The following ZNF317 variants were observed in gnomAD, a reference collection of about 807,000 sequenced individuals.
ZNF317 encodes zinc finger protein 317.
ZNF317 carries 17 observed loss-of-function variants against 23.4 expected under a neutral mutation model. The observed-to-expected ratio is 0.73, with a 90% CI of 0.50 to 1.09. The LOEUF is 1.09. ZNF317 is among the 50% of genes least tolerant of loss of function. ZNF317 has a pLI of 0.00. For synonymous variants in ZNF317, 317 were observed against 314.9 expected (o/e 1.01, Z -0.07); for missense variants, 679 against 796.7 (o/e 0.85, Z 1.78).
At chr19:9,141,096 A>G (rs866984611) in intron 1 of ZNF317, among the ~76,000 whole-genome samples, 30 of 152,120 alleles carry the variant, frequency 2.0e-4, no homozygotes, top group African/African-American at 7.0e-4. Context: ...TAAATAGCCT[A>G]TATGTATATT....
At chr19:9,156,165 G>T (rs911402300) in intron 2 of ZNF317, 124 bp downstream of exon 2, 6 of 1,299,234 alleles carry the variant, frequency 4.6e-6, no homozygotes, top group Non-Finnish European at 6.6e-6. Context: ...TGGAAAAGGG[G>T]TGGGAACAGA....
chr19:9,159,230 G>T (rs913461240), intron 6 of ZNF317, among the ~76,000 whole-genome samples: 2 of 151,984 alleles, frequency 1.3e-5, no homozygotes, highest in Non-Finnish European at 2.9e-5. Flanking sequence ...TATTTTTTGG[G>T]GGGCAGACAG....
chr19:9,159,893 T>TG (rs1418080557), intron 6 of ZNF317, among the ~76,000 whole-genome samples: 1 of 152,184 alleles, frequency 6.6e-6, no homozygotes, highest in Non-Finnish European at 1.5e-5. Context: ...CAAAAAGCTT[T>TG]GAAAAAGTAA....
chr19:9,160,329 A>G lies in ZNF317; in HGVS notation c.684A>G (p.Gln228=), dbSNP rs775953458. 1.2e-6 allele frequency: 2 copies of G among 1,614,200 alleles called. No individual in the cohort carries two copies. The highest frequency in any genetic ancestry group is 1.7e-6 in the Non-Finnish European group (2 of 1,180,038). The part of the protein sequence containing the change: ...GRKMHECHQC[Q]KAFTTSASLT... ...AAATGCATGAATGTCATCAGTGCCA[A>G]AAAGCCTTCACCACGAGCGCGTCCC... is the stretch of plus-strand genomic sequence containing the variant. Residue 228 remains glutamine (Q), a synonymous_variant, in exon 7 of 7, where the codon CAA becomes CAG. Coordinates refer to ENST00000247956, the MANE Select transcript of ZNF317 (RefSeq NM_020933.5). This position sits in a 1 kb window ranked among gnomAD's most constrained non-coding sequence, Gnocchi z 6.8.
intron 6 of ZNF317, among the ~76,000 whole-genome samples, chr19:9,159,609 C>T (rs545729651): frequency 2.0e-4 from 30 of 151,428 alleles, no homozygotes; most frequent in Non-Finnish European, 3.8e-4. Context: ...TGCAATGGCA[C>T]GATCTCAGCT....
chr19:9,162,412 T>C lies in ZNF317; in HGVS notation c.*979T>C, dbSNP rs933248989. 1 of 152,150 alleles carries C rather than the reference T, an allele frequency of 6.6e-6. No homozygotes were observed. The highest frequency in any genetic ancestry group is 1.5e-5 in the Non-Finnish European group (1 of 68,030). The allele number at this position is 152,150 out of a possible 1,614,324, so 9.4% of individuals were successfully genotyped here. ...CTAGGAGAAATTTCTTTTACAAAAC[T>C]TTTAAAATACAATTAGTGCTGATAA... On this transcript the variant is annotated 3_prime_UTR_variant, in exon 7 of 7. Coordinates refer to ENST00000247956, the MANE Select transcript of ZNF317 (RefSeq NM_020933.5).
intron 4 of ZNF317, 25 bp downstream of exon 4, chr19:9,157,419 T>G: frequency 6.2e-7 from 1 of 1,613,392 alleles, no homozygotes; most frequent in Non-Finnish European, 8.5e-7. Context: ...ATTTCTCCAC[T>G]TATTCATCCA....
intron 5 of ZNF317, among the ~76,000 whole-genome samples, chr19:9,158,597 C>A (rs1402188112): frequency 6.6e-6 from 1 of 151,904 alleles, no homozygotes; most frequent in Non-Finnish European, 1.5e-5. Context: ...CCTCGGCCTC[C>A]CAGAGTGCTG....
chr19:9,154,083 G>T (rs1028757728), intron 1 of ZNF317, among the ~76,000 whole-genome samples: 1 of 152,138 alleles, frequency 6.6e-6, no homozygotes, highest in Admixed American at 6.6e-5. Context: ...ACGGGGATGG[G>T]CCTGGAGCAG....
Position 9,156,719 on chromosome 19 carries a change from G to A in ZNF317, c.133G>A (p.Glu45Lys). 1 of 1,614,136 alleles carries A rather than the reference G, an allele frequency of 6.2e-7. No homozygotes were observed. The highest frequency in any genetic ancestry group is 8.5e-7 in the Non-Finnish European group (1 of 1,180,028). Residue 45 changes from glutamate to lysine, a missense_variant, in exon 3 of 7, where the codon GAG becomes AAG. Physicochemically the swap from Glu to Lys is moderately conservative, Grantham distance 56. Coordinates refer to ENST00000247956, the MANE Select transcript of ZNF317 (RefSeq NM_020933.5). ...GGACCTGTTCGTGTGCAGTGGTCTGGAGCCTCACACACCCAGTGTTGGTTC... is the reference window on the plus strand; with the variant it reads ...GGACCTGTTCGTGTGCAGTGGTCTGAAGCCTCACACACCCAGTGTTGGTTC... ...NLDLFVCSGL[E>K]PHTPSVGSQE...
At position 9,160,990 on chromosome 19, in the gene ZNF317, G is replaced by C; in HGVS notation, c.1345G>C (p.Asp449His). Reference protein sequence around the residue: ...SHTGEKPYGCDLCGKAFSASS... With the variant: ...SHTGEKPYGCHLCGKAFSASS... ...CACTGGAGAGAAACCATACGGGTGC[G>C]ATCTCTGCGGGAAAGCTTTCAGCGC... is the stretch of plus-strand genomic sequence containing the variant. The change falls in exon 7 of 7, where the codon GAT becomes CAT. Residue 449 changes from aspartate to histidine, a missense_variant. Transcript: ENST00000247956. This position sits in a 1 kb window ranked among gnomAD's most constrained non-coding sequence, Gnocchi z 6.8. 9 of 1,614,128 alleles carry C rather than the reference G, an allele frequency of 5.6e-6. No individual in the cohort carries two copies. Among genetic ancestry groups the C allele is most frequent in the Non-Finnish European group, 7.6e-6 (9 of 1,180,016 alleles).
chr19:9,147,882 G>T (rs974484641), intron 1 of ZNF317, among the ~76,000 whole-genome samples: 2 of 152,140 alleles, frequency 1.3e-5, no homozygotes, highest in Admixed American at 6.5e-5. Flanking sequence ...AATATTGGAG[G>T]TGGGGCCTGG....
rs777488442 is a variant in ZNF317, at chr19:9,151,204, G to A, written c.-92-4721G>A. 6.6e-5 allele frequency among the ~76,000 whole-genome samples: 10 copies of A among 152,166 alleles called. No homozygotes were observed. In the South Asian group the frequency reaches 8.3e-4, roughly 13 times the overall value. On this transcript the variant is annotated intron_variant, in intron 1 of 6. Coordinates refer to ENST00000247956, the MANE Select transcript of ZNF317 (RefSeq NM_020933.5). ...CTTCCTCAGCAGTGACTTAATGTCA[G>A]AACCCAAAGGCACAATGACTAGAAA...
At chr19:9,152,583 ATC>A (rs2145949895) in intron 1 of ZNF317, among the ~76,000 whole-genome samples, 1 of 152,324 alleles carries the variant, frequency 6.6e-6, no homozygotes, top group South Asian at 2.1e-4. Context: ...CCTTATGAAA[ATC>A]TAATGCCTGA....
At chr19:9,153,801 G>C (rs8109666) in intron 1 of ZNF317, among the ~76,000 whole-genome samples, 13,538 of 152,194 alleles carry the variant, frequency 0.089, 670 homozygotes, top group Middle Eastern at 0.14. Flanking sequence ...AGACTGAAGT[G>C]CATTTACTGG....
intron 6 of ZNF317, 141 bp from the exon 7 acceptor site, chr19:9,159,973 C>T: frequency 8.2e-7 from 1 of 1,223,852 alleles, no homozygotes; most frequent in Non-Finnish European, 1.1e-6. Flanking sequence ...GCAGGGACAG[C>T]ACGTTTGCAC....
At chr19:9,157,927 G>C (rs2050803324) in intron 4 of ZNF317, 53 bp from the exon 5 acceptor site, 1 of 1,537,108 alleles carries the variant, frequency 6.5e-7, no homozygotes. Context: ...CTACTGGAAG[G>C]GGTTGTCCTC....
intron 1 of ZNF317, among the ~76,000 whole-genome samples, chr19:9,152,493 G>A (rs1390150492): frequency 6.6e-6 from 1 of 152,170 alleles, no homozygotes; most frequent in Non-Finnish European, 1.5e-5. Flanking sequence ...CCTCCTGTCA[G>A]ATCATCAGCA....
chr19:9,161,294 G>A lies in ZNF317; in HGVS notation c.1649G>A (p.Arg550Gln), dbSNP rs1348361220. The change falls in exon 7 of 7, where the codon CGG becomes CAG. Residue 550 changes from arginine to glutamine, a missense_variant. Transcript: ENST00000247956. This position sits in a 1 kb window ranked among gnomAD's most constrained non-coding sequence, Gnocchi z 4.0. ...SIGSNLNVHR[R>Q]IHTGEKPYEC... ...GGCTCCAACCTGAATGTGCACAGGC[G>A]GATCCACACCGGGGAGAAGCCCTAC... is the stretch of plus-strand genomic sequence containing the variant. 6 of 1,612,784 alleles carry A rather than the reference G, an allele frequency of 3.7e-6. No homozygotes were observed. The highest frequency in any genetic ancestry group is 2.2e-5 in the South Asian group (2 of 91,008).
Sources: allele counts gnomAD v4.1 joint callset (sites outside exome capture counted in the v4.1 genomes callset), GRCh38; gene constraint gnomAD v4.1.1; non-coding constraint Gnocchi (gnomAD v3.1); transcripts MANE v1.5; gene names NCBI Gene and HGNC (gene_info 2026-07-23, HGNC 2026-07-21).